The following UBL3 variants were observed in gnomAD, a reference collection of about 807,000 sequenced individuals.
UBL3 encodes the protein ubiquitin like 3.
A neutral mutation model predicts 18.4 loss-of-function variants in UBL3; 6 were observed. The ratio of observed to expected loss-of-function variants is 0.33; its 90% confidence interval spans 0.18 to 0.64. The LOEUF (loss-of-function observed/expected upper bound fraction) is 0.64. Among genes scored for constraint, UBL3 ranks in the 30% least tolerant of loss-of-function variants. The pLI is 0.76. For missense variants in UBL3, 109 were observed against 142.9 expected (o/e 0.76, Z 1.21); for synonymous variants, 49 against 46.6 (o/e 1.05, Z -0.21).
At chr13:29,802,111 C>T (rs531872845) in intron 1 of UBL3, among the ~76,000 whole-genome samples, 7 of 152,326 alleles carry the variant, frequency 4.6e-5, no homozygotes, top group African/African-American at 1.4e-4. Flanking sequence ...AGGGGCCACG[C>T]AGTGGAGCAA....
chr13:29,847,129 T>A (rs1879247635), intron 1 of UBL3, among the ~76,000 whole-genome samples: 1 of 152,230 alleles, frequency 6.6e-6, no homozygotes, highest in African/African-American at 2.4e-5. Context: ...TTGAGAATTC[T>A]AGGCACATAG....
At chr13:29,795,755 GAAAAAAA>G (rs57782695) in intron 1 of UBL3, among the ~76,000 whole-genome samples, 5 of 66,190 alleles carry the variant, frequency 7.6e-5, no homozygotes, top group South Asian at 7.3e-4. Context: ...CCTCATCTCA[GAAAAAAA>G]AAAAAAAAAA....
At chr13:29,810,286 A>T (rs35884932) in intron 1 of UBL3, among the ~76,000 whole-genome samples, 17,930 of 152,156 alleles carry the variant, frequency 0.12, 1,422 homozygotes, top group Non-Finnish European at 0.18. Context: ...CTAGAAATAC[A>T]CATTTGGGGG....
chr13:29,801,254 C>T (rs1302381465), intron 1 of UBL3, among the ~76,000 whole-genome samples: 1 of 152,148 alleles, frequency 6.6e-6, no homozygotes, highest in East Asian at 1.9e-4. Flanking sequence ...CTTCAACAGG[C>T]ACACCCGCTC....
intron 1 of UBL3, among the ~76,000 whole-genome samples, chr13:29,795,383 A>G (rs1877581919): frequency 6.6e-6 from 1 of 152,108 alleles, no homozygotes; most frequent in Admixed American, 6.5e-5. Flanking sequence ...ATATATACTT[A>G]ATATGCAGTA....
intron 1 of UBL3, among the ~76,000 whole-genome samples, chr13:29,794,120 A>G (rs1210503861): frequency 3.3e-5 from 5 of 152,202 alleles, no homozygotes; most frequent in Non-Finnish European, 7.3e-5. Context: ...TGCTGGGATT[A>G]CAAGTGTGAG....
Position 29,800,410 on chromosome 13 carries a change from T to A in UBL3, c.28-23147A>T, listed in dbSNP as rs553050025. Reference sequence around the variant, plus strand: ...GGAGCACTTGAACAGTGTAAGCCTGTTTGAAAAGTCATTTGGCAATTAATA... The same window carrying A: ...GGAGCACTTGAACAGTGTAAGCCTGATTGAAAAGTCATTTGGCAATTAATA... On this transcript the variant is annotated intron_variant, in intron 1 of 4. Transcript: ENST00000380680. 8.5e-5 allele frequency among the ~76,000 whole-genome samples: 13 copies of A among 152,310 alleles called. No individual in the cohort carries two copies. The South Asian group carries it at 2.7e-3, about 32-fold the overall frequency.
At chr13:29,846,915 T>C (rs1397817088) in intron 1 of UBL3, among the ~76,000 whole-genome samples, 2 of 152,208 alleles carry the variant, frequency 1.3e-5, no homozygotes, top group African/African-American at 4.8e-5. Context: ...TCCTGATCAA[T>C]TTAGAGTTAT....
At chr13:29,841,845 T>C (rs944133463) in intron 1 of UBL3, among the ~76,000 whole-genome samples, 19 of 152,220 alleles carry the variant, frequency 1.2e-4, no homozygotes, top group Admixed American at 3.3e-4. Context: ...ATGAGCTCGG[T>C]TGATAATCAG....
intron 1 of UBL3, among the ~76,000 whole-genome samples, chr13:29,786,217 T>C (rs1877309437): frequency 6.6e-6 from 1 of 152,204 alleles, no homozygotes; most frequent in Non-Finnish European, 1.5e-5. Flanking sequence ...CTCTGTACCA[T>C]GGTCCCTATA....
At chr13:29,848,495 AAAAAT>A (rs1229280947) in intron 1 of UBL3, among the ~76,000 whole-genome samples, 3 of 152,006 alleles carry the variant, frequency 2.0e-5, no homozygotes, top group Middle Eastern at 3.2e-3. Flanking sequence ...ATTAAAATTA[AAAAAT>A]AAAATAAAAT....
intron 1 of UBL3, among the ~76,000 whole-genome samples, chr13:29,836,684 G>C (rs531684094): frequency 5.9e-5 from 9 of 152,008 alleles, no homozygotes; most frequent in Non-Finnish European, 1.0e-4. Context: ...AATCTCACTG[G>C]GCTGGGAAGA....
intron 1 of UBL3, among the ~76,000 whole-genome samples, chr13:29,792,895 C>T (rs1478277437): frequency 6.6e-6 from 1 of 152,128 alleles, no homozygotes; most frequent in African/African-American, 2.4e-5. Context: ...AAATACAGCA[C>T]AAAATTCTGC....
At chr13:29,808,457 C>A (rs564827282) in intron 1 of UBL3, among the ~76,000 whole-genome samples, 5 of 152,224 alleles carry the variant, frequency 3.3e-5, no homozygotes, top group African/African-American at 1.2e-4. Flanking sequence ...CACTGTACAG[C>A]CTGGGTTTGG....
chr13:29,797,750 G>A (rs1020098849), intron 1 of UBL3, among the ~76,000 whole-genome samples: 1 of 152,026 alleles, frequency 6.6e-6, no homozygotes, highest in Admixed American at 6.6e-5. Context: ...TTCAATTAAG[G>A]AAAATGGCTG....
At chr13:29,796,188 T>C (rs541289834) in intron 1 of UBL3, among the ~76,000 whole-genome samples, 1 of 152,264 alleles carries the variant, frequency 6.6e-6, no homozygotes, top group African/African-American at 2.4e-5. Context: ...GAAGTGGTTT[T>C]TGTGCCAGGA....
chr13:29,816,336 C>A (rs962709491), intron 1 of UBL3, among the ~76,000 whole-genome samples: 1 of 151,986 alleles, frequency 6.6e-6, no homozygotes, highest in Non-Finnish European at 1.5e-5. Context: ...ACTTTTAGAA[C>A]CAAGTAACAA....
intron 1 of UBL3, among the ~76,000 whole-genome samples, chr13:29,837,803 G>C (rs569340317): frequency 1.3e-5 from 2 of 151,742 alleles, no homozygotes; most frequent in South Asian, 4.2e-4. Flanking sequence ...GGTGATATGC[G>C]CCTGTAATCC....
At chr13:29,798,118 T>G (rs2139330214) in intron 1 of UBL3, among the ~76,000 whole-genome samples, 2 of 152,092 alleles carry the variant, frequency 1.3e-5, no homozygotes, top group South Asian at 4.1e-4. Context: ...CTCTGCCTCT[T>G]GAGTTCAAGC....
Sources: allele counts gnomAD v4.1 joint callset (sites outside exome capture counted in the v4.1 genomes callset), GRCh38; gene constraint gnomAD v4.1.1; transcripts MANE v1.5; gene names NCBI Gene and HGNC (gene_info 2026-07-23, HGNC 2026-07-21).